The following SCYL2 variants were observed in gnomAD, a reference collection of about 807,000 sequenced individuals.
The protein encoded by SCYL2 is SCY1-like protein 2.
In SCYL2, 36 loss-of-function variants were observed where a neutral mutation model predicts 100.4. That is an observed-to-expected ratio of 0.36 (90% confidence interval 0.27 to 0.47). SCYL2 has a LOEUF of 0.47. Among genes scored for constraint, SCYL2 ranks in the 20% least tolerant of loss-of-function variants. The pLI is 1.00. For synonymous variants in SCYL2, 330 were observed against 359.2 expected (o/e 0.92, Z 0.92); for missense variants, 902 against 1,083.9 (o/e 0.83, Z 2.36).
chr12:100,315,445 T>C (rs1017667045), intron 8 of SCYL2, 113 bp from the exon 9 acceptor site: 2 of 791,720 alleles, frequency 2.5e-6, no homozygotes, highest in African/African-American at 3.5e-5. Context: ...CAACCATAAA[T>C]TGTATCGTCA....
intron 8 of SCYL2, among the ~76,000 whole-genome samples, chr12:100,314,922 T>C (rs1040291498): frequency 2.0e-5 from 3 of 152,238 alleles, no homozygotes; most frequent in African/African-American, 7.2e-5. Flanking sequence ...AAAGGGGTAC[T>C]TCTGTTGATG....
At chr12:100,317,362 C>T (rs2096350156) in intron 9 of SCYL2, among the ~76,000 whole-genome samples, 1 of 152,178 alleles carries the variant, frequency 6.6e-6, no homozygotes, top group South Asian at 2.1e-4. Context: ...GCTGGGACTG[C>T]AGGTGTGTGC....
rs747009335 is a variant in SCYL2 at position 100,335,884 on chromosome 12, G to A, written c.2003G>A (p.Gly668Glu). Residue 668 changes from glycine to glutamate, a missense_variant, in exon 16 of 18, where the codon GGG (glycine) becomes GAG (glutamate). Coordinates refer to ENST00000360820, the MANE Select transcript of SCYL2 (RefSeq NM_017988.6). ...TGSESENKED[G>E]LQNKHKRASL... ...AGTGAGTCCGAAAATAAAGAGGACG[G>A]GTTACAGAATAAACATAAAAGAGTG... The A allele has an allele frequency of 6.2e-6, 10 of 1,612,724 alleles. No homozygotes were observed. In the South Asian group the frequency reaches 7.7e-5, roughly 12 times the overall value.
intron 3 of SCYL2, among the ~76,000 whole-genome samples, chr12:100,296,043 A>G (rs567321418): frequency 1.3e-5 from 2 of 152,306 alleles, no homozygotes; most frequent in South Asian, 2.1e-4. Flanking sequence ...TTACATTTCA[A>G]GTCTCTTGAG....
At chr12:100,328,197 G>T (rs1356260239) in intron 12 of SCYL2, among the ~76,000 whole-genome samples, 1 of 152,104 alleles carries the variant, frequency 6.6e-6, no homozygotes, top group African/African-American at 2.4e-5. Context: ...AGAATCACAT[G>T]AACCAGGGAG....
intron 2 of SCYL2, 84 bp downstream of exon 2, chr12:100,283,231 A>AT: frequency 8.3e-7 from 1 of 1,204,506 alleles, no homozygotes. Flanking sequence ...ATGTTAAGAA[A>AT]TGCCAAAAGT....
At chr12:100,286,275 T>C (rs573816672) in intron 2 of SCYL2, among the ~76,000 whole-genome samples, 1 of 152,334 alleles carries the variant, frequency 6.6e-6, no homozygotes, top group African/African-American at 2.4e-5. Flanking sequence ...TATGTTTATA[T>C]ATGTAATTTT....
At chr12:100,310,261 G>A (rs567821002) in intron 4 of SCYL2, among the ~76,000 whole-genome samples, 1 of 152,178 alleles carries the variant, frequency 6.6e-6, no homozygotes, top group Admixed American at 6.5e-5. Flanking sequence ...CTCCCAAATG[G>A]CTGGGATTAC....
At chr12:100,269,008 T>C (rs979545613) in intron 1 of SCYL2, among the ~76,000 whole-genome samples, 1 of 152,226 alleles carries the variant, frequency 6.6e-6, no homozygotes, top group African/African-American at 2.4e-5. Context: ...TTCCGTAGCC[T>C]CCTGATTATG....
At chr12:100,288,302 GT>G (rs202237726) in intron 2 of SCYL2, among the ~76,000 whole-genome samples, 5 of 151,170 alleles carry the variant, frequency 3.3e-5, no homozygotes, top group South Asian at 2.1e-4. Flanking sequence ...AATTTTGTGA[GT>G]TTTTTTTTCT....
At chr12:100,280,670 G>C (rs542264935) in intron 1 of SCYL2, among the ~76,000 whole-genome samples, 1 of 152,214 alleles carries the variant, frequency 6.6e-6, no homozygotes, top group African/African-American at 2.4e-5. Flanking sequence ...AATCTGAAAT[G>C]CTCCAGAATC....
intron 1 of SCYL2, among the ~76,000 whole-genome samples, chr12:100,276,777 A>G (rs2096292965): frequency 6.6e-6 from 1 of 151,300 alleles, no homozygotes; most frequent in African/African-American, 2.4e-5. Context: ...AGTCTCTTTC[A>G]TTGATTCCTC....
chr12:100,311,025 G>A lies in SCYL2; in HGVS notation c.481-19G>A. The A allele has an allele frequency of 6.6e-7, 1 of 1,525,264 alleles. No individual in the cohort carries two copies. The highest frequency in any genetic ancestry group is 8.8e-7 in the Non-Finnish European group (1 of 1,141,554). 94.5% of individuals were successfully genotyped at this position (1,525,264 alleles called of 1,614,324 possible). ...AAAGGAGTTTTATTTAGTGTAAAAT[G>A]TGTTTTTTCCATTTACAGGTTTCTG... On this transcript the variant is annotated intron_variant, in intron 4 of 17. Transcript: ENST00000360820.
intron 17 of SCYL2, among the ~76,000 whole-genome samples, chr12:100,338,049 T>C (rs1592975225): frequency 6.6e-6 from 1 of 152,334 alleles, no homozygotes; most frequent in East Asian, 1.9e-4. Flanking sequence ...AAAAGCTTTC[T>C]TTAAACTATT....
intron 2 of SCYL2, among the ~76,000 whole-genome samples, chr12:100,289,628 T>TC (rs748154485): frequency 2.6e-5 from 4 of 152,198 alleles, no homozygotes; most frequent in Non-Finnish European, 5.9e-5. Flanking sequence ...TAGAGTGTAT[T>TC]ATATTTTCAT....
intron 1 of SCYL2, among the ~76,000 whole-genome samples, chr12:100,275,057 T>C (rs2096291194): frequency 6.6e-6 from 1 of 152,188 alleles, no homozygotes; most frequent in South Asian, 2.1e-4. Flanking sequence ...ATTTAGGTTT[T>C]CTTCAGTTTC....
At chr12:100,271,260 C>CAAAAAAAAAAAAAAAAAAAAA (rs11354103) in intron 1 of SCYL2, among the ~76,000 whole-genome samples, 1 of 83,336 alleles carries the variant, frequency 1.2e-5, no homozygotes. Flanking sequence ...TGCAGAGCAG[C>CAAAAAAAAAAAAAAAAAAAAA]AAAAAAAAAA....
rs569724382 is a variant in SCYL2 at position 100,308,299 on chromosome 12, A to G, written c.481-2745A>G. 3.3e-5 allele frequency among the ~76,000 whole-genome samples: 5 copies of G among 152,320 alleles called. No homozygotes were observed. The East Asian group carries it at 5.8e-4, about 18-fold the overall frequency. The stretch of plus-strand genomic sequence containing the variant: ...TGGCACATATACACCATGGAATACT[A>G]TGCAGCCATAATAAAGGATGAGTTC... On this transcript the variant is annotated intron_variant, in intron 4 of 17. Transcript: ENST00000360820.
At chr12:100,276,711 T>C (rs188091375) in intron 1 of SCYL2, among the ~76,000 whole-genome samples, 1 of 152,228 alleles carries the variant, frequency 6.6e-6, no homozygotes, top group Admixed American at 6.5e-5. Context: ...TTTTACTTCA[T>C]TGGATTTTTT....
Sources: gnomAD v4.1 joint callset for allele counts (sites outside exome capture counted in the v4.1 genomes callset) on GRCh38, gnomAD v4.1.1 for gene constraint, MANE v1.5 for transcripts, NCBI Gene and HGNC (gene_info 2026-07-23, HGNC 2026-07-21) for gene names.